Variants in EXOC4 observed in about 807,000 individuals in gnomAD.
EXOC4 encodes the protein SEC8-like 1.
EXOC4 carries 71 observed loss-of-function variants against 107.2 expected under a neutral mutation model. That is an observed-to-expected ratio of 0.66 (90% CI 0.55 to 0.81). EXOC4 has a LOEUF of 0.81. EXOC4 is among the 30% of genes least tolerant of loss of function. The probability of loss-of-function intolerance (pLI) is 0.00; values close to 1 mark genes in which losing one functional copy is unlikely to be tolerated. For synonymous variants in EXOC4, 456 were observed against 441.2 expected, an observed-to-expected ratio of 1.03 and a Z score of -0.42; for missense variants, 1,108 against 1,189.6, an observed-to-expected ratio of 0.93 and a Z score of 1.01.
At chr7:133,297,640 G>C (rs1166265840) in intron 3 of EXOC4, among the ~76,000 whole-genome samples, 1 of 152,124 alleles carries the variant, frequency 6.6e-6, no homozygotes, top group Non-Finnish European at 1.5e-5. Context: ...GAATAAAAGT[G>C]AAATATAGTA....
intron 10 of EXOC4, among the ~76,000 whole-genome samples, chr7:133,743,699 C>G (rs1443936797): frequency 1.3e-5 from 2 of 152,172 alleles, no homozygotes; most frequent in African/African-American, 4.8e-5. Flanking sequence ...GGCCATTGTT[C>G]TTTATGGACA....
chr7:133,814,844 A>AT (rs1245601355), intron 10 of EXOC4, among the ~76,000 whole-genome samples: 3 of 152,008 alleles, frequency 2.0e-5, no homozygotes, highest in African/African-American at 7.2e-5. Flanking sequence ...GTTTTGATAA[A>AT]TTTTTTTACT....
intron 10 of EXOC4, among the ~76,000 whole-genome samples, chr7:133,685,399 G>A (rs1023126023): frequency 6.6e-5 from 10 of 151,976 alleles, no homozygotes; most frequent in South Asian, 2.1e-4. Context: ...TTGCTTCCCC[G>A]TCACCTTCTG....
the EXOC4 span, among the ~76,000 whole-genome samples, chr7:134,092,715 A>G: frequency 1.3e-5 from 2 of 151,966 alleles, no homozygotes; most frequent in Non-Finnish European, 2.9e-5. Flanking sequence ...AGGGAGTTAT[A>G]TACGTTGAAA....
At chr7:134,063,146 T>G (rs551648013) in intron 17 of EXOC4, among the ~76,000 whole-genome samples, 1 of 152,302 alleles carries the variant, frequency 6.6e-6, no homozygotes, top group East Asian at 1.9e-4. Context: ...TTCAAATGCC[T>G]CATCCCAGGA....
Position 133,654,718 on chromosome 7 carries a change from G to C in EXOC4, c.1514+24577G>C, listed in dbSNP as rs531087258. 1.3e-3 allele frequency among the ~76,000 whole-genome samples: 205 copies of C among 152,212 alleles called. 1 individual carries two copies. Among genetic ancestry groups the C allele is most frequent in the African/African-American group, 4.6e-3 (190 of 41,534 alleles). On this transcript the variant is annotated intron_variant, in intron 10 of 17. Transcript: ENST00000253861. ...TAGTCACACATCACTTAACCATGGG[G>C]ATGTGTTCTGAGAAATGCGCCATTA...
intron 9 of EXOC4, among the ~76,000 whole-genome samples, chr7:133,584,701 C>T (rs191562935): frequency 1.9e-4 from 29 of 151,468 alleles, no homozygotes; most frequent in African/African-American, 7.0e-4. Flanking sequence ...GCCTCAGCCT[C>T]CAGAGTGGCT....
At chr7:133,820,302 A>T (rs561425549) in intron 11 of EXOC4, among the ~76,000 whole-genome samples, 3 of 152,160 alleles carry the variant, frequency 2.0e-5, no homozygotes, top group African/African-American at 7.2e-5. Context: ...TAAAAAGCAA[A>T]CAAGGAGATG....
At chr7:133,570,292 A>G (rs1800995013) in intron 9 of EXOC4, among the ~76,000 whole-genome samples, 1 of 152,196 alleles carries the variant, frequency 6.6e-6, no homozygotes, top group African/African-American at 2.4e-5. Context: ...CAGTCTCACC[A>G]GTTAGTGATC....
At chr7:133,592,791 CG>C (rs1451409947) in intron 9 of EXOC4, among the ~76,000 whole-genome samples, 1 of 152,128 alleles carries the variant, frequency 6.6e-6, no homozygotes, top group Admixed American at 6.5e-5. Context: ...TTATTAGAGA[CG>C]GGGTTTCACC....
rs141408427 is a variant in EXOC4, at chr7:133,393,253, CT to C, written c.1182+18254del. Among the ~76,000 whole-genome samples the C allele has an allele frequency of 4.8e-3, 724 of 152,242 alleles. 4 individuals carry two copies. Among genetic ancestry groups the C allele is most frequent in the Middle Eastern group, 0.014 (4 of 294 alleles). ...TTTTCTTCCTCTACTGAATCCACATCTTTCCTTTTTAATCAGATTAAAAAGG... is the reference window on the plus strand; with the variant it reads ...TTTTCTTCCTCTACTGAATCCACATCTTCCTTTTTAATCAGATTAAAAAGG... On this transcript the variant is annotated intron_variant, in intron 7 of 17. Coordinates refer to ENST00000253861, the MANE Select transcript of EXOC4 (RefSeq NM_021807.4).
chr7:134,063,557 G>T (rs1307127955), intron 17 of EXOC4, among the ~76,000 whole-genome samples: 1 of 152,162 alleles, frequency 6.6e-6, no homozygotes, highest in Non-Finnish European at 1.5e-5. Flanking sequence ...CCTGGGTGGA[G>T]TGAGGGGTAA....
chr7:133,783,577 G>A (rs1309493958), intron 10 of EXOC4, among the ~76,000 whole-genome samples: 1 of 152,134 alleles, frequency 6.6e-6, no homozygotes, highest in Non-Finnish European at 1.5e-5. Context: ...ATATTTTCTT[G>A]AACTCTGTTA....
At position 133,710,636 on chromosome 7, in the gene EXOC4, G is replaced by T. The variant is rs960471030; in HGVS notation, c.1514+80495G>T. Among the ~76,000 whole-genome samples, 3 of 147,430 alleles carry T rather than the reference G, an allele frequency of 2.0e-5. No homozygotes were observed. In the East Asian group the frequency reaches 6.0e-4, roughly 29 times the overall value. On this transcript the variant is annotated intron_variant, in intron 10 of 17. Coordinates refer to ENST00000253861, the MANE Select transcript of EXOC4 (RefSeq NM_021807.4). ...GATCCCGCCACTGCACTCCAGCCTGGGCGACAGAGTGAGACTCTGTCTCAG... is the reference window on the plus strand; with the variant it reads ...GATCCCGCCACTGCACTCCAGCCTGTGCGACAGAGTGAGACTCTGTCTCAG...
chr7:133,982,173 A>T (rs892873590), intron 14 of EXOC4, among the ~76,000 whole-genome samples: 32 of 152,216 alleles, frequency 2.1e-4, no homozygotes, highest in Non-Finnish European at 4.1e-4. Context: ...TGACAAGATA[A>T]TCTGTACAAC....
At position 134,053,810 on chromosome 7, in the gene EXOC4, A is replaced by T. The variant is rs375403972; in HGVS notation, c.2688-10481A>T. Among the ~76,000 whole-genome samples, 17 of 152,128 alleles carry T rather than the reference A, an allele frequency of 1.1e-4. No individual in the cohort carries two copies. In the East Asian group the frequency reaches 1.2e-3, roughly 10 times the overall value. Reference sequence around the variant, plus strand: ...TCCAACCTCCTGTCCCTTTAATCCCATCTGATCCTCTTTTCTGATTTTCTT... The same window carrying T: ...TCCAACCTCCTGTCCCTTTAATCCCTTCTGATCCTCTTTTCTGATTTTCTT... On this transcript the variant is annotated intron_variant, in intron 17 of 17. Transcript: ENST00000253861.
At chr7:133,345,154 T>A (rs540937569) in intron 5 of EXOC4, among the ~76,000 whole-genome samples, 1 of 152,296 alleles carries the variant, frequency 6.6e-6, no homozygotes, top group South Asian at 2.1e-4. Context: ...CATTTTGAGT[T>A]TTGATGTTAC....
intron 14 of EXOC4, among the ~76,000 whole-genome samples, chr7:133,986,720 A>T (rs182328543): frequency 6.6e-6 from 1 of 152,232 alleles, no homozygotes; most frequent in African/African-American, 2.4e-5. Flanking sequence ...GGGTAAGGAA[A>T]GATTAGTTTG....
chr7:133,450,368 G>A (rs566340909), intron 7 of EXOC4, among the ~76,000 whole-genome samples: 1 of 152,142 alleles, frequency 6.6e-6, no homozygotes, highest in East Asian at 1.9e-4. Flanking sequence ...TTGCTTTCTT[G>A]CCCAGTCTGA....
Sources: allele counts gnomAD v4.1 joint callset (sites outside exome capture counted in the v4.1 genomes callset), GRCh38; gene constraint gnomAD v4.1.1; transcripts MANE v1.5; gene names NCBI Gene and HGNC (gene_info 2026-07-23, HGNC 2026-07-21).